The following DNAH5 variants were observed in gnomAD, a reference collection of about 807,000 sequenced individuals.
DNAH5 encodes the protein axonemal beta dynein heavy chain 5.
In DNAH5, 372 loss-of-function variants were observed where a neutral mutation model predicts 518.2. That is an observed-to-expected ratio of 0.72 (90% confidence interval 0.66 to 0.78). DNAH5 has a LOEUF of 0.78. Among genes scored for constraint, DNAH5 ranks in the 30% least tolerant of loss-of-function variants. The pLI, the probability that DNAH5 is intolerant of heterozygous loss-of-function variation, is 0.00. For missense variants in DNAH5, 5,523 were observed against 5,687.0 expected, an observed-to-expected ratio of 0.97 and a Z score of 0.93; for synonymous variants, 2,039 against 2,025.9, an observed-to-expected ratio of 1.01 and a Z score of -0.17.
intron 43 of DNAH5, 62 bp from the exon 44 acceptor site, chr5:13,811,885 T>G: frequency 6.6e-7 from 1 of 1,522,002 alleles, no homozygotes; most frequent in Non-Finnish European, 9.1e-7. Context: ...AATGGTCATT[T>G]GGGGACAAAA....
chr5:13,820,005 T>C (rs1762004340), intron 41 of DNAH5, among the ~76,000 whole-genome samples: 1 of 152,172 alleles, frequency 6.6e-6, no homozygotes, highest in Non-Finnish European at 1.5e-5. Context: ...TCCCATCACT[T>C]ACCATCTTTG....
chr5:13,878,374 G>C (rs1440077968), intron 21 of DNAH5, among the ~76,000 whole-genome samples: 1 of 152,156 alleles, frequency 6.6e-6, no homozygotes, highest in African/African-American at 2.4e-5. Flanking sequence ...TGCAGAAAAG[G>C]ATCAAGAATG....
At chr5:13,830,310 A>AG in intron 36 of DNAH5, 97 bp from the exon 37 acceptor site, 1 of 1,180,706 alleles carries the variant, frequency 8.5e-7, no homozygotes, top group South Asian at 1.3e-5. Context: ...GCCAGATGTA[A>AG]GTTCATTCAA....
chr5:13,965,660 A>T (rs1194979422), intron 1 of DNAH5, among the ~76,000 whole-genome samples: 1 of 152,176 alleles, frequency 6.6e-6, no homozygotes, highest in Non-Finnish European at 1.5e-5. Flanking sequence ...TATCAGTTAC[A>T]TTGTTCATGG....
intron 76 of DNAH5, among the ~76,000 whole-genome samples, chr5:13,704,660 G>T (rs1160849133): frequency 6.6e-6 from 1 of 152,130 alleles, no homozygotes; most frequent in Non-Finnish European, 1.5e-5. Context: ...CTTGTTCAAG[G>T]ACAGTCCTTT....
intron 1 of DNAH5, among the ~76,000 whole-genome samples, chr5:13,971,824 T>G (rs1268584747): frequency 6.6e-6 from 1 of 152,058 alleles, no homozygotes; most frequent in Non-Finnish European, 1.5e-5. Context: ...AAGCTTACTC[T>G]AGGGTCACCT....
At position 13,882,652 on chromosome 5, in the gene DNAH5, G is replaced by A. The variant is rs1372802663; in HGVS notation, c.3262+76C>T. ...TGTAAAATAAATTGAGAATTACATG[G>A]AGGGGTTAAAAAACATTTAAGCTCA... On this transcript the variant is annotated intron_variant, in intron 21 of 78. Transcript: ENST00000265104. 11 of 1,106,498 alleles carry A rather than the reference G, an allele frequency of 9.9e-6. No individual in the cohort carries two copies. The East Asian group carries it at 1.2e-4, about 12-fold the overall frequency. The allele number at this position is 1,106,498 out of a possible 1,614,324, so 68.5% of individuals were successfully genotyped here.
Position 13,765,990 on chromosome 5 carries a change from A to G in DNAH5, c.10087T>C (p.Leu3363=), listed in dbSNP as rs1752461463. ...SLKLMTAGNF[L]QNLQQFPKDT... is the part of the protein sequence containing the mutation. ...GAACTACCAACCTGTAAGTTCTGTA[A>G]AAAGTTCCCTGCAGTCATCAATTTT... Residue 3363 remains leucine (L), a synonymous_variant, in exon 59 of 79, where the codon TTA becomes CTA. Coordinates refer to ENST00000265104, the MANE Select transcript of DNAH5 (RefSeq NM_001369.3). 1 of 1,614,194 alleles carries G rather than the reference A, an allele frequency of 6.2e-7. No homozygotes were observed. Among genetic ancestry groups the G allele is most frequent in the Non-Finnish European group, 8.5e-7 (1 of 1,180,008 alleles).
chr5:13,965,238 G>T (rs1422379249), intron 1 of DNAH5, among the ~76,000 whole-genome samples: 1 of 152,090 alleles, frequency 6.6e-6, no homozygotes, highest in Non-Finnish European at 1.5e-5. Flanking sequence ...TAAAAAAAAT[G>T]ATATGTAAGT....
At chr5:13,818,466 A>G (rs1156565054) in intron 41 of DNAH5, among the ~76,000 whole-genome samples, 1 of 152,242 alleles carries the variant, frequency 6.6e-6, no homozygotes, top group African/African-American at 2.4e-5. Context: ...GCATGGCGGA[A>G]GTGCCAAAGC....
chr5:13,737,642 G>C, intron 65 of DNAH5, 147 bp from the exon 66 acceptor site: 1 of 907,974 alleles, frequency 1.1e-6, no homozygotes, highest in Non-Finnish European at 1.7e-6. Flanking sequence ...CAAAAAAGAA[G>C]GGCCGGGCGC....
chr5:13,851,726 A>AAGTCCAATT (rs1766868693), intron 30 of DNAH5, among the ~76,000 whole-genome samples: 3 of 152,280 alleles, frequency 2.0e-5, no homozygotes, highest in South Asian at 2.1e-4. Flanking sequence ...GAAAATTTCT[A>AAGTCCAATT]AGTCCAATTT....
chr5:13,693,688 T>C (rs1701036998), intron 78 of DNAH5, among the ~76,000 whole-genome samples: 1 of 152,062 alleles, frequency 6.6e-6, no homozygotes, highest in Non-Finnish European at 1.5e-5. Flanking sequence ...ACAGGACAGC[T>C]CCCCCAAAAC....
chr5:13,732,120 CAAAAAAA>C (rs34028417), intron 68 of DNAH5, among the ~76,000 whole-genome samples: 1 of 124,858 alleles, frequency 8.0e-6, no homozygotes, highest in Non-Finnish European at 1.8e-5. Flanking sequence ...ACTCTGTCTT[CAAAAAAA>C]AAAAAAAAAA....
intron 22 of DNAH5, among the ~76,000 whole-genome samples, chr5:13,874,454 C>T (rs1770575680): frequency 6.6e-6 from 1 of 152,154 alleles, no homozygotes; most frequent in Admixed American, 6.5e-5. Flanking sequence ...AGATGAACTA[C>T]ATATGTAGAG....
At chr5:13,808,033 C>A (rs1005263516) in intron 46 of DNAH5, among the ~76,000 whole-genome samples, 7 of 151,754 alleles carry the variant, frequency 4.6e-5, no homozygotes, top group Middle Eastern at 3.4e-3. Flanking sequence ...AGTTCGAGAC[C>A]AGCCTGGCCA....
At chr5:13,956,821 T>C (rs1021959376) in intron 1 of DNAH5, among the ~76,000 whole-genome samples, 2 of 152,236 alleles carry the variant, frequency 1.3e-5, no homozygotes, top group Non-Finnish European at 2.9e-5. Context: ...TTTCATGAAC[T>C]GAATTATTCA....
chr5:13,997,161 T>A (rs57276726), intron 1 of DNAH5, among the ~76,000 whole-genome samples: 4,779 of 152,326 alleles, frequency 0.031, 156 homozygotes, highest in East Asian at 0.19. Context: ...ACATGTTTTC[T>A]CATTTTTTAC....
At chr5:14,005,227 C>G (rs1784639076) in intron 1 of DNAH5, among the ~76,000 whole-genome samples, 1 of 152,170 alleles carries the variant, frequency 6.6e-6, no homozygotes, top group South Asian at 2.1e-4. Context: ...ACTCAAGCAT[C>G]GCCTTCCAGA....
Sources: allele counts gnomAD v4.1 joint callset (sites outside exome capture counted in the v4.1 genomes callset), GRCh38; gene constraint gnomAD v4.1.1; transcripts MANE v1.5; gene names NCBI Gene and HGNC (gene_info 2026-07-23, HGNC 2026-07-21).